TRIM44: variants seen among roughly 807,000 people sequenced by gnomAD.
The protein encoded by TRIM44 is tripartite motif-containing protein 44.
Under a neutral mutation model 37.4 loss-of-function variants are expected in TRIM44, and 13 were observed. The observed-to-expected ratio is 0.35, with a 90% CI of 0.23 to 0.55. TRIM44 has a LOEUF of 0.55. Ranked by LOEUF, TRIM44 falls within the 20% of genes least tolerant of loss-of-function variation. TRIM44 has a pLI of 0.89. For missense variants in TRIM44, 426 were observed against 437.2 expected (o/e 0.97, Z 0.23); for synonymous variants, 175 against 157.2 (o/e 1.11, Z -0.85).
chr11:35,815,047 A>G lies in TRIM44; in HGVS notation c.*8662A>G, dbSNP rs189684892. ...GTGAGACAAATGCTCTGTTGAAGCC[A>G]TGCCACTACAGGATACATTCACCTC... is the stretch of plus-strand genomic sequence containing the variant. On this transcript the variant is annotated 3_prime_UTR_variant, in exon 5 of 5. Coordinates refer to ENST00000299413, the MANE Select transcript of TRIM44 (RefSeq NM_017583.6). The G allele has an allele frequency of 3.3e-5, 5 of 152,288 alleles. No individual in the cohort carries two copies. The highest frequency in any genetic ancestry group is 7.2e-5 in the African/African-American group (3 of 41,570). 9.4% of individuals were successfully genotyped at this position (152,288 alleles called of 1,614,324 possible). A position where few individuals can be genotyped will look rare whatever the true frequency, so the allele number is the denominator to read the frequency against.
intron 4 of TRIM44, among the ~76,000 whole-genome samples, chr11:35,806,035 A>G (rs1853442964): frequency 6.6e-6 from 1 of 152,128 alleles, no homozygotes; most frequent in Non-Finnish European, 1.5e-5. Context: ...GTTAAGTTTA[A>G]AAGAATTATG....
At position 35,810,843 on chromosome 11, in the gene TRIM44, T is replaced by C. The variant is rs1001067859; in HGVS notation, c.*4458T>C. ...GCCTATTTTCCTGTGCACAGTCACA[T>C]TCCCTCCTTAGGAATCTTCCCCTTC... On this transcript the variant is annotated 3_prime_UTR_variant, in exon 5 of 5. Transcript: ENST00000299413. 1.3e-5 allele frequency: 2 copies of C among 152,214 alleles called. No homozygotes were observed. The highest frequency in any genetic ancestry group is 6.5e-5 in the Admixed American group (1 of 15,282). 9.4% of individuals were successfully genotyped at this position (152,214 alleles called of 1,614,324 possible). A position where few individuals can be genotyped will look rare whatever the true frequency, so the allele number is the denominator to read the frequency against.
chr11:35,691,571 G>A (rs1412196987), intron 2 of TRIM44, among the ~76,000 whole-genome samples: 1 of 152,120 alleles, frequency 6.6e-6, no homozygotes, highest in Non-Finnish European at 1.5e-5. Context: ...CTATAGTTGG[G>A]CAAAATAATC....
intron 4 of TRIM44, among the ~76,000 whole-genome samples, chr11:35,772,846 T>A (rs1395884223): frequency 6.6e-6 from 1 of 152,070 alleles, no homozygotes; most frequent in Admixed American, 6.5e-5. Flanking sequence ...AGTTAAGACT[T>A]TGGGGGACTG....
chr11:35,759,728 G>A (rs1468259144), intron 4 of TRIM44, among the ~76,000 whole-genome samples: 1 of 152,220 alleles, frequency 6.6e-6, no homozygotes, highest in Non-Finnish European at 1.5e-5. Context: ...AGGACCCTCA[G>A]CTGCAGGTCT....
At position 35,792,072 on chromosome 11, in the gene TRIM44, T is replaced by TACACACACAC. The variant is rs57127722; in HGVS notation, c.1008-14255_1008-14246dup. The stretch of plus-strand genomic sequence containing the variant: ...CCATCCCTTCCTGAGGAGTTGCCCC[T>TACACACACAC]ACACACACACACACACACACACACA... On this transcript the variant is annotated intron_variant, in intron 4 of 4. Coordinates refer to ENST00000299413, the MANE Select transcript of TRIM44 (RefSeq NM_017583.6). 5.6e-3 allele frequency among the ~76,000 whole-genome samples: 762 copies of TACACACACAC among 136,784 alleles called. 7 individuals carry two copies. The highest frequency in any genetic ancestry group is 0.02 in the African/African-American group (697 of 34,798). The allele number at this position is 136,784 out of a possible 152,430, so 89.7% of individuals were successfully genotyped here.
chr11:35,741,468 G>C (rs1382985753), intron 4 of TRIM44, among the ~76,000 whole-genome samples: 1 of 152,110 alleles, frequency 6.6e-6, no homozygotes, highest in African/African-American at 2.4e-5. Flanking sequence ...GGAAAATTCA[G>C]CTGAAGTGCC....
chr11:35,668,612 A>C (rs1210254186), intron 1 of TRIM44, among the ~76,000 whole-genome samples: 1 of 152,194 alleles, frequency 6.6e-6, no homozygotes, highest in Non-Finnish European at 1.5e-5. Flanking sequence ...CCAGTCTATC[A>C]CTGATGGGCA....
chr11:35,770,404 G>C (rs2970331), intron 4 of TRIM44, among the ~76,000 whole-genome samples: 151,813 of 152,332 alleles, frequency 1, 75,649 homozygotes, highest in Middle Eastern at 1. Context: ...GATTTATTTT[G>C]TATTGGATAT....
intron 2 of TRIM44, among the ~76,000 whole-genome samples, chr11:35,718,285 C>A (rs1394784826): frequency 1.3e-5 from 2 of 151,996 alleles, no homozygotes; most frequent in East Asian, 1.9e-4. Flanking sequence ...TTGATGGTCA[C>A]CCCACCCCCA....
intron 2 of TRIM44, among the ~76,000 whole-genome samples, chr11:35,722,703 C>T (rs1019748282): frequency 3.3e-5 from 5 of 152,174 alleles, no homozygotes; most frequent in African/African-American, 9.7e-5. Context: ...TTACTGCAAA[C>T]GTGCTTTATC....
In TRIM44 at chr11:35,702,339, T is replaced by C. The variant is rs183142892; in HGVS notation, c.747+17003T>C. ...GTGGGCGGCCCGTGCGCATCCACCG[T>C]TCTTTGACCCTATCCCACGCCAGCT... On this transcript the variant is annotated intron_variant, in intron 2 of 4. Coordinates refer to ENST00000299413, the MANE Select transcript of TRIM44 (RefSeq NM_017583.6). 1.9e-3 allele frequency among the ~76,000 whole-genome samples: 287 copies of C among 152,312 alleles called. 2 individuals carry two copies. The highest frequency in any genetic ancestry group is 6.6e-3 in the African/African-American group (276 of 41,570).
chr11:35,778,008 G>T (rs928020099), intron 4 of TRIM44, among the ~76,000 whole-genome samples: 1 of 152,196 alleles, frequency 6.6e-6, no homozygotes, highest in African/African-American at 2.4e-5. Context: ...GGCCTGCCTT[G>T]CTAGGCTGGG....
intron 3 of TRIM44, among the ~76,000 whole-genome samples, chr11:35,731,074 T>C (rs1016837158): frequency 6.6e-6 from 1 of 152,208 alleles, no homozygotes; most frequent in Admixed American, 6.5e-5. Context: ...CTAATCTTTA[T>C]GCTTTTTATT....
chr11:35,787,151 G>A (rs1853141211), intron 4 of TRIM44, among the ~76,000 whole-genome samples: 1 of 152,204 alleles, frequency 6.6e-6, no homozygotes, highest in African/African-American at 2.4e-5. Context: ...AGAGGAGGGA[G>A]CAAGGCTCTG....
chr11:35,761,020 C>G (rs765291669), intron 4 of TRIM44, among the ~76,000 whole-genome samples: 1 of 152,146 alleles, frequency 6.6e-6, no homozygotes, highest in Non-Finnish European at 1.5e-5. Flanking sequence ...TTTTTAGATT[C>G]CACATATTAG....
intron 4 of TRIM44, among the ~76,000 whole-genome samples, chr11:35,770,199 C>T (rs1852848757): frequency 6.6e-6 from 1 of 152,160 alleles, no homozygotes; most frequent in African/African-American, 2.4e-5. Flanking sequence ...GGATAATGAC[C>T]TTCAGCTGTA....
At chr11:35,760,491 A>T (rs1852710185) in intron 4 of TRIM44, among the ~76,000 whole-genome samples, 1 of 152,124 alleles carries the variant, frequency 6.6e-6, no homozygotes, top group African/African-American at 2.4e-5. Flanking sequence ...TGGTGCACTG[A>T]ACCCAGTGTC....
chr11:35,767,914 G>A (rs1852818406), intron 4 of TRIM44, among the ~76,000 whole-genome samples: 1 of 152,170 alleles, frequency 6.6e-6, no homozygotes, highest in Non-Finnish European at 1.5e-5. Context: ...ATGGTCCTTG[G>A]CCCCAAGTGG....
Sources: gnomAD v4.1 joint callset for allele counts (sites outside exome capture counted in the v4.1 genomes callset) on GRCh38, gnomAD v4.1.1 for gene constraint, MANE v1.5 for transcripts, NCBI Gene and HGNC (gene_info 2026-07-23, HGNC 2026-07-21) for gene names.